ETV6: variants seen among roughly 807,000 people sequenced by gnomAD.
ETV6 encodes the protein transcription factor ETV6.
In ETV6, 16 loss-of-function variants were observed where a neutral mutation model predicts 51.1. That is an observed-to-expected ratio of 0.31 (90% CI 0.21 to 0.48). ETV6 has a LOEUF of 0.48. Among genes scored for constraint, ETV6 ranks in the 20% least tolerant of loss-of-function variants. The pLI, the probability that ETV6 is intolerant of heterozygous loss-of-function variation, is 0.99. For synonymous variants in ETV6, 240 were observed against 224.1 expected (o/e 1.07, Z -0.64); for missense variants, 458 against 594.8 (o/e 0.77, Z 2.39).
At chr12:11,663,033 A>G (rs1864128990) in intron 1 of ETV6, among the ~76,000 whole-genome samples, 1 of 152,290 alleles carries the variant, frequency 6.6e-6, no homozygotes, top group South Asian at 2.1e-4. Flanking sequence ...TTTCTGTTAT[A>G]CCATTTGCCA....
rs1012929799 is a variant in ETV6, at chr12:11,657,158, A to G, written c.33+6998A>G. ...AGAGAAAGAGAGAGATGTGTTGTGG[A>G]GATAATATGAGGGGATTCAGAGAGC... On this transcript the variant is annotated intron_variant, in intron 1 of 7. Coordinates refer to ENST00000396373, the MANE Select transcript of ETV6 (RefSeq NM_001987.5). 1.8e-4 allele frequency among the ~76,000 whole-genome samples: 27 copies of G among 151,950 alleles called. 1 individual carries two copies. Among genetic ancestry groups the G allele is most frequent in the African/African-American group, 6.5e-4 (27 of 41,352 alleles).
In ETV6 at chr12:11,704,935, C is replaced by G. The variant is rs185793079; in HGVS notation, c.34-47515C>G. On this transcript the variant is annotated intron_variant, in intron 1 of 7. Coordinates refer to ENST00000396373, the MANE Select transcript of ETV6 (RefSeq NM_001987.5). ...AGGACATTATGATAAGTGACATAAG[C>G]CAGATACAGAAAGAAACATATTGTA... 3.9e-4 allele frequency among the ~76,000 whole-genome samples: 60 copies of G among 152,186 alleles called. 1 individual carries two copies. Among genetic ancestry groups the G allele is most frequent in the African/African-American group, 1.4e-3 (59 of 41,540 alleles).
chr12:11,673,579 A>C (rs897085800), intron 1 of ETV6, among the ~76,000 whole-genome samples: 1 of 152,206 alleles, frequency 6.6e-6, no homozygotes, highest in Admixed American at 6.5e-5. Context: ...AGTAGTGATT[A>C]GAGGGAAAGT....
At chr12:11,660,204 CAAAG>C (rs374348197) in intron 1 of ETV6, among the ~76,000 whole-genome samples, 14 of 152,056 alleles carry the variant, frequency 9.2e-5, no homozygotes, top group African/African-American at 2.9e-4. Context: ...CAAAAAAAAT[CAAAG>C]AGACAATTTA....
intron 2 of ETV6, among the ~76,000 whole-genome samples, chr12:11,759,509 C>T (rs1945052287): frequency 6.6e-6 from 1 of 152,180 alleles, no homozygotes; most frequent in Admixed American, 6.5e-5. Flanking sequence ...ACTAAGAGAA[C>T]CCTTTAAAAA....
At chr12:11,725,086 C>T (rs1255257384) in intron 1 of ETV6, among the ~76,000 whole-genome samples, 1 of 152,084 alleles carries the variant, frequency 6.6e-6, no homozygotes, top group East Asian at 1.9e-4. Context: ...TGGGTCGCGG[C>T]ACATCTGTTC....
chr12:11,824,702 G>T (rs1425751847), intron 2 of ETV6, among the ~76,000 whole-genome samples: 1 of 152,128 alleles, frequency 6.6e-6, no homozygotes, highest in Non-Finnish European at 1.5e-5. Context: ...AACCCTGGAG[G>T]CGGAAGTTGC....
intron 2 of ETV6, among the ~76,000 whole-genome samples, chr12:11,798,032 T>C (rs1176753928): frequency 6.6e-6 from 1 of 152,222 alleles, no homozygotes; most frequent in African/African-American, 2.4e-5. Context: ...GATTTTGAGA[T>C]TATCTTTCCA....
intron 1 of ETV6, among the ~76,000 whole-genome samples, chr12:11,671,171 C>T (rs187733121): frequency 1.3e-5 from 2 of 152,190 alleles, no homozygotes; most frequent in Non-Finnish European, 2.9e-5. Flanking sequence ...TAGCTTAAAA[C>T]TGCTGCTAGA....
intron 1 of ETV6, among the ~76,000 whole-genome samples, chr12:11,749,886 C>T (rs998195951): frequency 2.6e-5 from 4 of 152,138 alleles, no homozygotes; most frequent in Non-Finnish European, 4.4e-5. Flanking sequence ...TGCATTTGTC[C>T]GTCTTGGTCA....
intron 2 of ETV6, among the ~76,000 whole-genome samples, chr12:11,826,946 T>C (rs16907359): frequency 0.072 from 10,882 of 152,128 alleles, 433 homozygotes; most frequent in Non-Finnish European, 0.086. Context: ...AATATATTAA[T>C]AACTGGTGAG....
chr12:11,891,431 G>T lies in ETV6; in HGVS notation c.*385G>T. On this transcript the variant is annotated 3_prime_UTR_variant, in exon 8 of 8. Coordinates refer to ENST00000396373, the MANE Select transcript of ETV6 (RefSeq NM_001987.5). ...GTTCATCTAGGGGAAGACATCTGAT[G>T]TTGTTTTCCTATGGAAATATATATC... 1 of 368,224 alleles carries T rather than the reference G, an allele frequency of 2.7e-6. No homozygotes were observed. The highest frequency in any genetic ancestry group is 5.0e-6 in the Non-Finnish European group (1 of 198,020). 22.8% of individuals were successfully genotyped at this position (368,224 alleles called of 1,614,324 possible).
intron 4 of ETV6, among the ~76,000 whole-genome samples, chr12:11,857,164 A>G (rs956424517): frequency 2.6e-5 from 4 of 152,356 alleles, no homozygotes; most frequent in Admixed American, 1.3e-4. Context: ...TAATTTCACA[A>G]TGGGCATTTA....
intron 1 of ETV6, among the ~76,000 whole-genome samples, chr12:11,696,581 G>T (rs1385120920): frequency 1.3e-5 from 2 of 152,184 alleles, no homozygotes; most frequent in East Asian, 3.8e-4. Flanking sequence ...CATTTGAGAA[G>T]CCGAGGCAAG....
chr12:11,751,873 G>T (rs930507585), intron 1 of ETV6: 1 of 507,808 alleles, frequency 2.0e-6, no homozygotes, highest in Non-Finnish European at 3.9e-6. Context: ...GATATTTTTG[G>T]TTGTGGTGGT....
At chr12:11,788,192 T>G (rs148756196) in intron 2 of ETV6, among the ~76,000 whole-genome samples, 2 of 152,244 alleles carry the variant, frequency 1.3e-5, no homozygotes, top group African/African-American at 4.8e-5. Flanking sequence ...TCCAGCAATA[T>G]GTGTTTAGCA....
chr12:11,811,314 A>G (rs1426990844), intron 2 of ETV6, among the ~76,000 whole-genome samples: 1 of 152,280 alleles, frequency 6.6e-6, no homozygotes, highest in Non-Finnish European at 1.5e-5. Flanking sequence ...AGCAAAGGCC[A>G]GTGATAATTC....
chr12:11,754,497 G>T (rs1387865322), intron 2 of ETV6, among the ~76,000 whole-genome samples: 2 of 152,180 alleles, frequency 1.3e-5, no homozygotes, highest in East Asian at 3.8e-4. Flanking sequence ...AAATAAGAAA[G>T]CAAACAAACA....
At chr12:11,889,888 G>A (rs1428083664) in intron 7 of ETV6, among the ~76,000 whole-genome samples, 5 of 152,180 alleles carry the variant, frequency 3.3e-5, no homozygotes, top group Non-Finnish European at 7.3e-5. Flanking sequence ...AGAAAGGTGT[G>A]CAGGCACAGA....
Sources: allele counts gnomAD v4.1 joint callset (sites outside exome capture counted in the v4.1 genomes callset), GRCh38; gene constraint gnomAD v4.1.1; transcripts MANE v1.5; gene names NCBI Gene and HGNC (gene_info 2026-07-23, HGNC 2026-07-21).